FBXW2: variants seen among roughly 807,000 people sequenced by gnomAD.
FBXW2 encodes F-box/WD repeat-containing protein 2.
A neutral mutation model predicts 46.0 loss-of-function variants in FBXW2; 12 were observed. The observed-to-expected ratio is 0.26, with a 90% CI of 0.17 to 0.42. The LOEUF (loss-of-function observed/expected upper bound fraction) is 0.42. FBXW2 is among the 10% of genes least tolerant of loss of function. FBXW2 has a pLI of 1.00. For missense variants in FBXW2, 360 were observed against 537.0 expected, an observed-to-expected ratio of 0.67 and a Z score of 3.26; for synonymous variants, 203 against 209.6, an observed-to-expected ratio of 0.97 and a Z score of 0.27.
chr9:120,788,086 T>C lies in FBXW2; in HGVS notation c.173A>G (p.Lys58Arg), dbSNP rs778989923. Residue 58 changes from lysine (K) to arginine (R), a missense_variant, in exon 3 of 8, where the codon AAA becomes AGA. Coordinates refer to ENST00000608872, the MANE Select transcript of FBXW2 (RefSeq NM_012164.4). ...LETLLKRDFLKLLPLELSFYL... is the reference protein window; with the variant it reads ...LETLLKRDFLRLLPLELSFYL... ...AAAACTGAGCTCCAGGGGAAGGAGT[T>C]TGAGGAAGTCCCGCTTGAGGAGAGT... 1.5e-5 allele frequency: 24 copies of C among 1,614,160 alleles called. No homozygotes were observed. The highest frequency in any genetic ancestry group is 1.0e-4 in the Admixed American group (6 of 60,018).
chr9:120,793,107 C>T lies in FBXW2; in HGVS notation c.-21+42G>A, dbSNP rs771376458. 8.8e-5 allele frequency: 63 copies of T among 717,272 alleles called. 2 individuals are homozygous for T. Among genetic ancestry groups the T allele is most frequent in the South Asian group, 4.5e-4 (26 of 58,066 alleles). The allele number at this position is 717,272 out of a possible 1,614,324, so 44.4% of individuals were successfully genotyped here. A position where few individuals can be genotyped will look rare whatever the true frequency, so the allele number is the denominator to read the frequency against. On this transcript the variant is annotated intron_variant, in intron 2 of 7. Coordinates refer to ENST00000608872, the MANE Select transcript of FBXW2 (RefSeq NM_012164.4). ...ATCCCATCAACCCATTCGTTGCTCCCAGGTCCCTTGCTCTCGGAATCGTGT... is the reference window on the plus strand; with the variant it reads ...ATCCCATCAACCCATTCGTTGCTCCTAGGTCCCTTGCTCTCGGAATCGTGT...
intron 3 of FBXW2, among the ~76,000 whole-genome samples, chr9:120,785,249 A>C (rs1397842478): frequency 6.6e-6 from 1 of 152,120 alleles, no homozygotes; most frequent in Non-Finnish European, 1.5e-5. Context: ...GGCTCACATA[A>C]TCTGCCTGCC....
chr9:120,784,783 T>C (rs2044685027), intron 3 of FBXW2, among the ~76,000 whole-genome samples: 1 of 151,602 alleles, frequency 6.6e-6, no homozygotes, highest in Admixed American at 6.6e-5. Flanking sequence ...AGCCGGGCTG[T>C]GGTGGCGCGT....
chr9:120,769,943 A>G (rs2044341350), intron 7 of FBXW2, among the ~76,000 whole-genome samples: 1 of 152,232 alleles, frequency 6.6e-6, no homozygotes, highest in African/African-American at 2.4e-5. Context: ...TCTGAAACCT[A>G]ACTGGTTAGA....
intron 4 of FBXW2, among the ~76,000 whole-genome samples, chr9:120,777,975 A>C (rs540409636): frequency 6.6e-6 from 1 of 152,182 alleles, no homozygotes; most frequent in East Asian, 1.9e-4. Context: ...AATAAAGTGG[A>C]ATTTACACAA....
Position 120,760,866 on chromosome 9 carries a change from AAATAGAGAGCAGT to A in FBXW2, c.*3680_*3692del, listed in dbSNP as rs1229206685. On this transcript the variant is annotated 3_prime_UTR_variant, in exon 8 of 8. Transcript: ENST00000608872. ...CCGAAAGTTATTTCTTTTGTTTTAC[AAATAGAGAGCAGT>A]AATCATTTTCCTATGAATACTAGAA... 3 of 152,344 alleles carry A rather than the reference AAATAGAGAGCAGT, an allele frequency of 2.0e-5. No individual in the cohort carries two copies. Among genetic ancestry groups the A allele is most frequent in the East Asian group, 1.9e-4 (1 of 5,182 alleles). The allele number at this position is 152,344 out of a possible 1,614,324, so 9.4% of individuals were successfully genotyped here. A position where few individuals can be genotyped will look rare whatever the true frequency, so the allele number is the denominator to read the frequency against.
chr9:120,766,357 C>A (rs559573936), intron 7 of FBXW2, among the ~76,000 whole-genome samples: 4 of 152,290 alleles, frequency 2.6e-5, no homozygotes, highest in Admixed American at 2.0e-4. Context: ...ACAAAGGAGC[C>A]AATTTCAGTC....
intron 3 of FBXW2, among the ~76,000 whole-genome samples, chr9:120,780,157 A>G (rs190170235): frequency 2.0e-3 from 309 of 151,200 alleles, no homozygotes; most frequent in Non-Finnish European, 3.7e-3. Context: ...AAAAAAAAAG[A>G]AATGTTAGCC....
intron 5 of FBXW2, among the ~76,000 whole-genome samples, chr9:120,774,684 G>A (rs948550081): frequency 6.6e-6 from 1 of 152,170 alleles, no homozygotes; most frequent in Non-Finnish European, 1.5e-5. Flanking sequence ...TGGTCACCCT[G>A]TATCCACTTG....
chr9:120,793,056 C>A, intron 2 of FBXW2, 93 bp downstream of exon 2: 1 of 1,066,534 alleles, frequency 9.4e-7, no homozygotes. Flanking sequence ...ACTCCAAAAC[C>A]CTGTTTTCCC....
intron 4 of FBXW2, 33 bp downstream of exon 4, chr9:120,778,318 A>C: frequency 6.3e-7 from 1 of 1,589,714 alleles, no homozygotes; most frequent in South Asian, 1.1e-5. Context: ...GATGAGGCTA[A>C]GTTGTAAAAA....
At chr9:120,766,033 A>C (rs1475835057) in intron 7 of FBXW2, among the ~76,000 whole-genome samples, 1 of 152,200 alleles carries the variant, frequency 6.6e-6, no homozygotes, top group Non-Finnish European at 1.5e-5. Context: ...CTAAGAGCTG[A>C]GCTACCAGAC....
intron 5 of FBXW2, among the ~76,000 whole-genome samples, chr9:120,774,264 C>T (rs2044443059): frequency 6.9e-6 from 1 of 145,790 alleles, no homozygotes; most frequent in African/African-American, 2.6e-5. Context: ...TTGAACCCGG[C>T]AGATGGATGC....
At chr9:120,766,622 G>A (rs1335336840) in intron 7 of FBXW2, among the ~76,000 whole-genome samples, 3 of 151,848 alleles carry the variant, frequency 2.0e-5, no homozygotes, top group Admixed American at 6.6e-5. Context: ...CCGCCACCAC[G>A]CCCAGCTAAT....
chr9:120,792,234 A>G (rs979710251), intron 2 of FBXW2, among the ~76,000 whole-genome samples: 39 of 152,266 alleles, frequency 2.6e-4, no homozygotes, highest in African/African-American at 8.7e-4. Flanking sequence ...GACCTTCTGG[A>G]AAACAGTGTA....
At chr9:120,769,978 C>T (rs1478587913) in intron 7 of FBXW2, among the ~76,000 whole-genome samples, 2 of 152,136 alleles carry the variant, frequency 1.3e-5, no homozygotes, top group Non-Finnish European at 2.9e-5. Context: ...TCCAGGAAGA[C>T]ATAAATGGGG....
intron 3 of FBXW2, among the ~76,000 whole-genome samples, chr9:120,780,555 G>C (rs1207563569): frequency 1.3e-5 from 2 of 152,150 alleles, no homozygotes; most frequent in African/African-American, 2.4e-5. Flanking sequence ...CATGGCGCTA[G>C]TGGCTACTGT....
intron 3 of FBXW2, among the ~76,000 whole-genome samples, chr9:120,784,612 C>T (rs2044680272): frequency 6.7e-6 from 1 of 149,216 alleles, no homozygotes; most frequent in African/African-American, 2.5e-5. Context: ...GAGAGGTTGT[C>T]TCCAAAAAAG....
chr9:120,792,184 C>T (rs550954835), intron 2 of FBXW2, among the ~76,000 whole-genome samples: 2 of 152,186 alleles, frequency 1.3e-5, no homozygotes, highest in African/African-American at 4.8e-5. Context: ...TGCCCAGTAC[C>T]CATTCTCCCA....
Sources: gnomAD v4.1 joint callset for allele counts (sites outside exome capture counted in the v4.1 genomes callset) on GRCh38, gnomAD v4.1.1 for gene constraint, MANE v1.5 for transcripts, NCBI Gene and HGNC (gene_info 2026-07-23, HGNC 2026-07-21) for gene names.